The following ANKS1B variants were observed in gnomAD, a reference collection of about 807,000 sequenced individuals.
The protein encoded by ANKS1B is ankyrin repeat and sterile alpha motif domain containing 1B.
Under a neutral mutation model 148.3 loss-of-function variants are expected in ANKS1B, and 36 were observed. The observed-to-expected ratio is 0.24, with a 90% CI of 0.19 to 0.32. The LOEUF is 0.32. ANKS1B is among the 10% of genes least tolerant of loss of function. ANKS1B has a pLI of 1.00. For missense variants in ANKS1B, 1,157 were observed against 1,542.6 expected (o/e 0.75, Z 4.19); for synonymous variants, 542 against 560.8 (o/e 0.97, Z 0.47).
At chr12:98,898,159 C>A (rs781521432) in intron 17 of ANKS1B, among the ~76,000 whole-genome samples, 55 of 152,162 alleles carry the variant, frequency 3.6e-4, no homozygotes, top group Non-Finnish European at 6.6e-4. Context: ...CACCGTTATA[C>A]AACATATCCA....
intron 14 of ANKS1B, among the ~76,000 whole-genome samples, chr12:99,169,195 G>C (rs565051568): frequency 6.6e-6 from 1 of 152,148 alleles, no homozygotes; most frequent in African/African-American, 2.4e-5. Context: ...TTATCATTTA[G>C]AGAAATGTCC....
chr12:99,897,698 G>C (rs532601049), intron 1 of ANKS1B, among the ~76,000 whole-genome samples: 1 of 151,114 alleles, frequency 6.6e-6, no homozygotes, highest in Admixed American at 6.6e-5. Flanking sequence ...TACCATACTA[G>C]TGCTTAGAAC....
intron 15 of ANKS1B, among the ~76,000 whole-genome samples, chr12:99,113,756 T>C (rs2060769039): frequency 6.6e-6 from 1 of 152,190 alleles, no homozygotes; most frequent in African/African-American, 2.4e-5. Context: ...ACTTCCTCTC[T>C]TTCCAGGGTC....
intron 9 of ANKS1B, among the ~76,000 whole-genome samples, chr12:99,651,125 G>A (rs2098416514): frequency 6.6e-6 from 1 of 152,034 alleles, no homozygotes. Flanking sequence ...AGATCCCAAA[G>A]GCCCCTGTAT....
intron 4 of ANKS1B, among the ~76,000 whole-genome samples, chr12:99,798,645 C>T (rs1481394781): frequency 3.3e-5 from 5 of 151,836 alleles, no homozygotes. Context: ...AGAAAAACAT[C>T]GTGTGAAGAA....
At chr12:99,099,315 T>C (rs61933378) in intron 15 of ANKS1B, among the ~76,000 whole-genome samples, 14,398 of 152,290 alleles carry the variant, frequency 0.095, 864 homozygotes, top group South Asian at 0.22. Context: ...AAAAATCCTT[T>C]GCGGGGTGGG....
At position 98,744,782 on chromosome 12, in the gene ANKS1B, G is replaced by A. The variant is rs1202823381; in HGVS notation, c.*957C>T. The A allele has an allele frequency of 1.0e-6, 1 of 982,284 alleles. No homozygotes were observed. Among genetic ancestry groups the A allele is most frequent in the Non-Finnish European group, 1.2e-6 (1 of 828,910 alleles). The allele number at this position is 982,284 out of a possible 1,614,324, so 60.8% of individuals were successfully genotyped here. ...GGTTTCCATGACAGAAATCTTGACA[G>A]CAGGAGCACTAGATTTTTTTTTTTT... On this transcript the variant is annotated 3_prime_UTR_variant, in exon 27 of 27. Coordinates refer to ENST00000683438, the MANE Select transcript of ANKS1B (RefSeq NM_001352186.2).
intron 11 of ANKS1B, among the ~76,000 whole-genome samples, chr12:99,409,026 C>T (rs186825410): frequency 5.3e-5 from 8 of 152,122 alleles, no homozygotes; most frequent in Admixed American, 3.3e-4. Flanking sequence ...AAAAGTATAT[C>T]GAAAACATAG....
chr12:98,815,795 G>GCT (rs1213512036), intron 19 of ANKS1B, among the ~76,000 whole-genome samples: 3 of 152,014 alleles, frequency 2.0e-5, no homozygotes, highest in African/African-American at 7.3e-5. Context: ...GTCACTACTT[G>GCT]CTCCAAGCTA....
At chr12:99,191,662 G>A (rs2080721231) in intron 14 of ANKS1B, among the ~76,000 whole-genome samples, 1 of 152,140 alleles carries the variant, frequency 6.6e-6, no homozygotes. Context: ...CATGGACACA[G>A]GGAGGGGAAC....
chr12:99,015,932 C>A (rs2099942287), intron 17 of ANKS1B, among the ~76,000 whole-genome samples: 1 of 152,050 alleles, frequency 6.6e-6, no homozygotes, highest in Non-Finnish European at 1.5e-5. Context: ...GTCATTCAGT[C>A]TATGACACTG....
At chr12:98,946,939 CAAAAAAAAAAA>C (rs57197334) in intron 17 of ANKS1B, among the ~76,000 whole-genome samples, 16 of 41,582 alleles carry the variant, frequency 3.8e-4, no homozygotes, top group South Asian at 1.6e-3. Context: ...GATCTTTTCT[CAAAAAAAAAAA>C]AAAAAAAAAA....
At chr12:99,468,020 G>A (rs898890682) in intron 10 of ANKS1B, among the ~76,000 whole-genome samples, 25 of 152,206 alleles carry the variant, frequency 1.6e-4, no homozygotes, top group Admixed American at 5.2e-4. Context: ...GAGGCATCAC[G>A]GTACCTGACT....
intron 15 of ANKS1B, among the ~76,000 whole-genome samples, chr12:99,133,855 C>G (rs1388307059): frequency 6.6e-6 from 1 of 152,136 alleles, no homozygotes; most frequent in Non-Finnish European, 1.5e-5. Flanking sequence ...ACTTGTTGTT[C>G]CAAAGTGCCT....
intron 1 of ANKS1B, among the ~76,000 whole-genome samples, chr12:99,861,811 A>C (rs1218734605): frequency 1.3e-5 from 2 of 152,224 alleles, no homozygotes. Context: ...TTTTAAAAGC[A>C]TACTAATATA....
chr12:99,093,204 A>G (rs1023244922), intron 15 of ANKS1B, among the ~76,000 whole-genome samples: 4 of 152,194 alleles, frequency 2.6e-5, no homozygotes, highest in African/African-American at 9.7e-5. Context: ...AACACATTGA[A>G]TTTCACATAA....
chr12:98,795,060 G>A (rs1181824776), intron 22 of ANKS1B: 20 of 632,012 alleles, frequency 3.2e-5, no homozygotes, highest in Admixed American at 5.4e-5. Flanking sequence ...TTTTACATAA[G>A]GCCACTTAAA....
chr12:99,925,965 TA>T (rs149633148), intron 1 of ANKS1B, among the ~76,000 whole-genome samples: 32,225 of 152,108 alleles, frequency 0.21, 3,660 homozygotes, highest in Middle Eastern at 0.24. Flanking sequence ...GCCTCACACC[TA>T]AATGGATAGC....
intron 12 of ANKS1B, among the ~76,000 whole-genome samples, chr12:99,257,655 A>ATGTCTG (rs1395313004): frequency 6.6e-6 from 1 of 152,116 alleles, no homozygotes; most frequent in Non-Finnish European, 1.5e-5. Context: ...AGCGCTAAAT[A>ATGTCTG]TGTCTGTGTT....
Sources: allele counts gnomAD v4.1 joint callset (sites outside exome capture counted in the v4.1 genomes callset), GRCh38; gene constraint gnomAD v4.1.1; transcripts MANE v1.5; gene names NCBI Gene and HGNC (gene_info 2026-07-23, HGNC 2026-07-21).